CBFA2T3: variants seen among roughly 807,000 people sequenced by gnomAD.
CBFA2T3 encodes the protein CBFA2/RUNX1 partner transcriptional co-repressor 3, also known as transcriptional corepressor CBFA2T3.
CBFA2T3 carries 31 observed loss-of-function variants against 58.6 expected under a neutral mutation model. That is an observed-to-expected ratio of 0.53 (90% CI 0.40 to 0.71). The LOEUF is 0.71. CBFA2T3 is among the 30% of genes least tolerant of loss of function. The pLI is 0.00. For missense variants in CBFA2T3, 1,076 were observed against 963.1 expected (o/e 1.12, Z -1.55); for synonymous variants, 531 against 421.9 (o/e 1.26, Z -3.17).
rs554638169 is a variant in CBFA2T3 at position 88,976,135 on chromosome 16, G to A, written c.151+522C>T. On this transcript the variant is annotated intron_variant, in intron 1 of 11. Transcript: ENST00000268679. The stretch of plus-strand genomic sequence containing the variant: ...CCAGAAGGGCAGGCCCAGGTTCCCC[G>A]TAAACCCCCACTGCCCTGGCTGGAA... Among the ~76,000 whole-genome samples the A allele has an allele frequency of 2.9e-4, 44 of 152,292 alleles. 1 individual carries two copies. Among genetic ancestry groups the A allele is most frequent in the Admixed American group, 6.5e-4 (10 of 15,304 alleles).
chr16:88,935,387 G>C (rs1426900052), intron 1 of CBFA2T3, among the ~76,000 whole-genome samples: 1 of 152,238 alleles, frequency 6.6e-6, no homozygotes, highest in South Asian at 2.1e-4. Flanking sequence ...GACCCTGGTG[G>C]TGCAGAAATA....
chr16:88,879,708 C>T (rs1201350069), intron 10 of CBFA2T3: 1 of 488,432 alleles, frequency 2.0e-6, no homozygotes, highest in Non-Finnish European at 3.7e-6. Context: ...TAAACACAGG[C>T]ATCCCAGGCA....
Position 88,879,454 on chromosome 16 carries a change from G to A in CBFA2T3, c.1478C>T (p.Ala493Val). The A allele has an allele frequency of 6.2e-7, 1 of 1,610,280 alleles. No homozygotes were observed. The highest frequency in any genetic ancestry group is 8.5e-7 in the Non-Finnish European group (1 of 1,177,388). The change falls in exon 11 of 12, where the codon GCC (alanine) becomes GTC (valine). Residue 493 changes from alanine (A) to valine (V), a missense_variant. Transcript: ENST00000268679. ...PEDIWRKAEE[A>V]VNEVKRQAMS... is the part of the protein sequence containing the mutation. ...GGCCTGCCGCTTCACCTCATTCACGGCCTCTTCTGCAAAGGACATGGGCAG... is the reference window on the plus strand; with the variant it reads ...GGCCTGCCGCTTCACCTCATTCACGACCTCTTCTGCAAAGGACATGGGCAG...
chr16:88,882,722 T>C lies in CBFA2T3; in HGVS notation c.1157A>G (p.Lys386Arg), dbSNP rs1473554854. 4 of 1,590,720 alleles carry C rather than the reference T, an allele frequency of 2.5e-6. No homozygotes were observed. The African/African-American group carries it at 5.4e-5, about 21-fold the overall frequency. The change falls in exon 8 of 12, where the codon AAG becomes AGG. Residue 386 changes from lysine to arginine, a missense_variant. Transcript: ENST00000268679. ...GSRQEEVIDHKLTEREWAEEW... is the reference protein window; with the variant it reads ...GSRQEEVIDHRLTEREWAEEW... ...TTCTGCCCACTCACGCTCTGTGAGC[T>C]TGTGGTCGATCACTTCTTCCTGCCG...
intron 8 of CBFA2T3, 47 bp downstream of exon 8, chr16:88,882,629 T>C: frequency 1.6e-6 from 2 of 1,271,144 alleles, no homozygotes; most frequent in Non-Finnish European, 2.2e-6. Context: ...TGCGTGGCTG[T>C]GCGCCTGGGC....
intron 3 of CBFA2T3, among the ~76,000 whole-genome samples, chr16:88,896,409 C>T (rs12597108): frequency 0.21 from 31,325 of 152,060 alleles, 3,503 homozygotes; most frequent in East Asian, 0.45. Context: ...CTGGAGCGCG[C>T]GGCACCGATA....
chr16:88,879,129 C>T (rs1041452842), intron 11 of CBFA2T3, 141 bp downstream of exon 11: 18 of 693,276 alleles, frequency 2.6e-5, no homozygotes, highest in South Asian at 3.5e-5. Flanking sequence ...ACAGTGTGGG[C>T]GGGGATGGCG....
At chr16:88,976,345 C>A (rs747013315) in intron 1 of CBFA2T3, among the ~76,000 whole-genome samples, 7 of 152,148 alleles carry the variant, frequency 4.6e-5, no homozygotes, top group Non-Finnish European at 1.0e-4. Flanking sequence ...GGCTGCGGCC[C>A]TCCCACCCCC....
intron 1 of CBFA2T3, among the ~76,000 whole-genome samples, chr16:88,942,176 G>GC (rs946060698): frequency 3.9e-5 from 6 of 152,180 alleles, no homozygotes; most frequent in East Asian, 1.9e-4. Flanking sequence ...CTGCCGGCAG[G>GC]CCCCCTCCCC....
intron 1 of CBFA2T3, among the ~76,000 whole-genome samples, chr16:88,936,452 CG>C (rs1971503826): frequency 2.6e-5 from 4 of 151,856 alleles, no homozygotes; most frequent in East Asian, 3.9e-4. Context: ...GTATCCACCA[CG>C]ACCCCAGCCT....
chr16:88,879,029 C>G (rs1968954967), intron 11 of CBFA2T3, among the ~76,000 whole-genome samples: 1 of 152,236 alleles, frequency 6.6e-6, no homozygotes, highest in Non-Finnish European at 1.5e-5. Context: ...AGCTGCCAAC[C>G]CTCTCGAGCC....
At chr16:88,903,250 C>T (rs534481807) in intron 1 of CBFA2T3, among the ~76,000 whole-genome samples, 8 of 152,328 alleles carry the variant, frequency 5.3e-5, no homozygotes, top group East Asian at 1.9e-4. Context: ...CTCTTGCCGC[C>T]GGCTCCTTTT....
At chr16:88,918,343 G>A (rs1970806290) in intron 1 of CBFA2T3, among the ~76,000 whole-genome samples, 1 of 152,220 alleles carries the variant, frequency 6.6e-6, no homozygotes, top group Admixed American at 6.5e-5. Context: ...CCTGGGCCCT[G>A]TCCTCTTGCC....
chr16:88,956,530 C>T (rs542356225), intron 1 of CBFA2T3, among the ~76,000 whole-genome samples: 7 of 152,362 alleles, frequency 4.6e-5, no homozygotes, highest in Non-Finnish European at 8.8e-5. Context: ...TCATTTAGTT[C>T]CACAGGTCGG....
At chr16:88,944,336 CAAAAAAAAAAAAAA>C (rs767482759) in intron 1 of CBFA2T3, among the ~76,000 whole-genome samples, 3 of 42,318 alleles carry the variant, frequency 7.1e-5, no homozygotes, top group African/African-American at 2.7e-4. Flanking sequence ...GACTCCATCT[CAAAAAAAAAAAAAA>C]AAAAAAAAAG....
intron 8 of CBFA2T3, among the ~76,000 whole-genome samples, chr16:88,882,471 G>C (rs1341787067): frequency 6.9e-6 from 1 of 145,618 alleles, no homozygotes; most frequent in Non-Finnish European, 1.6e-5. Flanking sequence ...GTGTGCGTGG[G>C]GGTGGCTGTG....
rs1005559030 is a variant in CBFA2T3 at position 88,876,662 on chromosome 16, C to T, written c.*314G>A. ...AAAAGAGAGGTGGGCAGAGCCGCCG[C>T]GCCTGCGGCATCTGCTCTGCTGTCT... On this transcript the variant is annotated 3_prime_UTR_variant, in exon 12 of 12. Transcript: ENST00000268679. 8 of 348,520 alleles carry T rather than the reference C, an allele frequency of 2.3e-5. No homozygotes were observed. The highest frequency in any genetic ancestry group is 4.2e-5 in the African/African-American group (2 of 47,784). 21.6% of individuals were successfully genotyped at this position (348,520 alleles called of 1,614,324 possible). A position where few individuals can be genotyped will look rare whatever the true frequency, so the allele number is the denominator to read the frequency against.
chr16:88,883,776 T>G (rs1017377195), intron 7 of CBFA2T3: 2 of 149,506 alleles, frequency 1.3e-5, no homozygotes, highest in African/African-American at 4.9e-5. Flanking sequence ...GCGGTGGCTG[T>G]GCCCACGGGA....
In CBFA2T3 at chr16:88,885,190, G is replaced by T; in HGVS notation, c.973C>A (p.Gln325Lys). The T allele has an allele frequency of 6.2e-7, 1 of 1,604,220 alleles. No homozygotes were observed. The highest frequency in any genetic ancestry group is 1.1e-5 in the South Asian group (1 of 90,618). ...SKRPCTLNPA[Q>K]RYSPSNGPPQ... Reference sequence around the variant, plus strand: ...GGCCCGTTGCTGGGGCTGTAGCGCTGGGCAGGGTTCAGGGTGCATGGCCGT... The same window carrying T: ...GGCCCGTTGCTGGGGCTGTAGCGCTTGGCAGGGTTCAGGGTGCATGGCCGT... Residue 325 changes from glutamine to lysine, a missense_variant, in exon 7 of 12, where the codon CAG (glutamine) becomes AAG (lysine). Transcript: ENST00000268679. This position sits in a 1 kb window ranked among gnomAD's most constrained non-coding sequence, Gnocchi z 5.3.
Sources: allele counts gnomAD v4.1 joint callset (sites outside exome capture counted in the v4.1 genomes callset), GRCh38; gene constraint gnomAD v4.1.1; non-coding constraint Gnocchi (gnomAD v3.1); transcripts MANE v1.5; gene names NCBI Gene and HGNC (gene_info 2026-07-23, HGNC 2026-07-21).